Variants in RAP1GAP2 observed in about 807,000 individuals in gnomAD.
RAP1GAP2 encodes RAP1 GTPase activating protein 2, also known as rap1 GTPase-activating protein 2.
A neutral mutation model predicts 95.0 loss-of-function variants in RAP1GAP2; 27 were observed. The observed-to-expected ratio is 0.28, with a 90% CI of 0.21 to 0.39. RAP1GAP2 has a LOEUF of 0.39. RAP1GAP2 is among the 10% of genes least tolerant of loss of function. RAP1GAP2 has a pLI of 1.00. For synonymous variants in RAP1GAP2, 373 were observed against 380.9 expected (o/e 0.98, Z 0.24); for missense variants, 771 against 970.0 (o/e 0.79, Z 2.72).
In RAP1GAP2 at chr17:3,013,247, G is replaced by C. The variant is rs2151627275; in HGVS notation, c.1495-4814G>C. ...TACCTGTAAGCCGGTCCCCCTAGCA[G>C]TGCCAGTGATGGCAGGTGGAGCACA... On this transcript the variant is annotated intron_variant, in intron 17 of 24. Transcript: ENST00000254695. 1.3e-5 allele frequency among the ~76,000 whole-genome samples: 2 copies of C among 152,354 alleles called. 1 individual carries two copies. The highest frequency in any genetic ancestry group is 2.9e-5 in the Non-Finnish European group (2 of 68,022).
At chr17:2,957,830 C>G (rs762830888) in intron 4 of RAP1GAP2, 36 bp downstream of exon 4, 7 of 1,559,940 alleles carry the variant, frequency 4.5e-6, no homozygotes, top group Non-Finnish European at 6.1e-6. Context: ...GGGAAGAAGC[C>G]CAGCCCCAGA....
At chr17:2,819,727 C>A (rs1020875879) in intron 2 of RAP1GAP2, among the ~76,000 whole-genome samples, 15 of 152,076 alleles carry the variant, frequency 9.9e-5, no homozygotes, top group African/African-American at 3.6e-4. Flanking sequence ...CTCGGCCTCC[C>A]AAAGTGCTGG....
intron 2 of RAP1GAP2, among the ~76,000 whole-genome samples, chr17:2,801,935 G>A (rs556165570): frequency 6.6e-6 from 1 of 152,228 alleles, no homozygotes; most frequent in Admixed American, 6.6e-5. Context: ...CTTAACCAAA[G>A]TGTAGCCTGC....
At chr17:2,779,242 C>T (rs1597290059) in intron 1 of RAP1GAP2, among the ~76,000 whole-genome samples, 1 of 152,230 alleles carries the variant, frequency 6.6e-6, no homozygotes, top group Non-Finnish European at 1.5e-5. Context: ...CTTCTCTGAG[C>T]CTCGGTTTCC....
intron 18 of RAP1GAP2, among the ~76,000 whole-genome samples, chr17:3,018,840 G>C (rs972873647): frequency 6.6e-6 from 1 of 152,016 alleles, no homozygotes; most frequent in Non-Finnish European, 1.5e-5. Context: ...TGAGGCAGGT[G>C]GACCACAAGG....
chr17:2,806,627 C>G (rs745309400), intron 2 of RAP1GAP2, among the ~76,000 whole-genome samples: 118 of 151,532 alleles, frequency 7.8e-4, no homozygotes, highest in Non-Finnish European at 1.6e-3. Context: ...GAACTCGTGA[C>G]CTCAGATGAT....
intron 10 of RAP1GAP2, among the ~76,000 whole-genome samples, chr17:2,981,582 C>G (rs1387930834): frequency 6.6e-6 from 1 of 152,134 alleles, no homozygotes; most frequent in Non-Finnish European, 1.5e-5. Flanking sequence ...TAGCTGGGGG[C>G]TGGTGCAGAT....
At chr17:3,002,524 G>A (rs1193049138) in intron 14 of RAP1GAP2, among the ~76,000 whole-genome samples, 1 of 152,230 alleles carries the variant, frequency 6.6e-6, no homozygotes, top group Non-Finnish European at 1.5e-5. Flanking sequence ...AGGAGGACCC[G>A]GTTAGATCCC....
At chr17:2,984,564 C>G (rs549164401) in intron 10 of RAP1GAP2, among the ~76,000 whole-genome samples, 1 of 152,150 alleles carries the variant, frequency 6.6e-6, no homozygotes, top group Non-Finnish European at 1.5e-5. Context: ...TGGTCAGGAG[C>G]GGTGACTTGC....
Position 2,763,206 on chromosome 17 carries a change from C to A in RAP1GAP2, c.51-7123C>A, listed in dbSNP as rs187564700. ...TTAGTGGGGATCATCTGTGTCAGAG[C>A]ATTCCGAGGATGTAGTTAGTTGATC... is the stretch of plus-strand genomic sequence containing the variant. On this transcript the variant is annotated intron_variant, in intron 1 of 25. Coordinates refer to the RAP1GAP2 transcript ENST00000637138. Among the ~76,000 whole-genome samples the A allele has an allele frequency of 2.0e-4, 30 of 152,304 alleles. No homozygotes were observed. In the East Asian group the frequency reaches 5.8e-3, roughly 29 times the overall value.
chr17:2,842,925 C>T (rs1185825411), intron 2 of RAP1GAP2, among the ~76,000 whole-genome samples: 1 of 152,152 alleles, frequency 6.6e-6, no homozygotes, highest in East Asian at 1.9e-4. Context: ...TCTCTTCCTC[C>T]CTTCCGTCTT....
upstream of RAP1GAP2, among the ~76,000 whole-genome samples, chr17:2,772,854 T>C (rs529883058): frequency 1.1e-4 from 15 of 132,664 alleles, no homozygotes; most frequent in East Asian, 3.5e-3. Context: ...TTTCTTTCTT[T>C]CTTTTTTTTT....
At chr17:2,905,006 C>CTAGT (rs1232188195) in intron 2 of RAP1GAP2, among the ~76,000 whole-genome samples, 2 of 152,144 alleles carry the variant, frequency 1.3e-5, no homozygotes, top group Non-Finnish European at 2.9e-5. Flanking sequence ...CTCAGTCTCT[C>CTAGT]TAGTAGCTGG....
At chr17:3,011,051 T>C (rs2046520450) in intron 17 of RAP1GAP2, among the ~76,000 whole-genome samples, 1 of 151,938 alleles carries the variant, frequency 6.6e-6, no homozygotes, top group Non-Finnish European at 1.5e-5. Context: ...CTCAGCCTCC[T>C]GAGTAGCTAG....
intron 8 of RAP1GAP2, among the ~76,000 whole-genome samples, chr17:2,974,841 G>T (rs1232728071): frequency 1.3e-5 from 2 of 151,256 alleles, no homozygotes; most frequent in African/African-American, 4.8e-5. Context: ...TTAACAAAAA[G>T]AAAGCAAAAA....
At chr17:2,761,664 C>T (rs2071251074) in intron 1 of RAP1GAP2, among the ~76,000 whole-genome samples, 1 of 152,176 alleles carries the variant, frequency 6.6e-6, no homozygotes, top group South Asian at 2.1e-4. Flanking sequence ...TTGGTTTCAG[C>T]ACCCTTGGGG....
chr17:2,851,527 C>T (rs1165984469), intron 2 of RAP1GAP2, among the ~76,000 whole-genome samples: 1 of 151,952 alleles, frequency 6.6e-6, no homozygotes, highest in Non-Finnish European at 1.5e-5. Context: ...AGGGCAGGGG[C>T]AGAAGGATGG....
chr17:2,933,670 C>G (rs190386220), intron 3 of RAP1GAP2, among the ~76,000 whole-genome samples: 3 of 152,390 alleles, frequency 2.0e-5, no homozygotes, highest in African/African-American at 7.2e-5. Flanking sequence ...GGGCTGTTCC[C>G]TCTCCTAGAA....
At chr17:2,789,638 C>T (rs1395754753) in intron 1 of RAP1GAP2, among the ~76,000 whole-genome samples, 1 of 144,404 alleles carries the variant, frequency 6.9e-6, no homozygotes, top group Non-Finnish European at 1.5e-5. Context: ...AAACATTAGC[C>T]AGGCATGGTG....
Sources: allele counts gnomAD v4.1 joint callset (sites outside exome capture counted in the v4.1 genomes callset), GRCh38; gene constraint gnomAD v4.1.1; transcripts MANE v1.5; gene names NCBI Gene and HGNC (gene_info 2026-07-23, HGNC 2026-07-21).